The following GMFB variants were observed in gnomAD, a reference collection of about 807,000 sequenced individuals.
GMFB encodes glia maturation factor beta.
A neutral mutation model predicts 25.6 loss-of-function variants in GMFB; 13 were observed. The observed-to-expected ratio is 0.51, with a 90% CI of 0.33 to 0.81. The LOEUF is 0.81. GMFB is among the 30% of genes least tolerant of loss of function. The pLI, the probability that GMFB is intolerant of heterozygous loss-of-function variation, is 0.02. For missense variants in GMFB, 146 were observed against 175.4 expected, an observed-to-expected ratio of 0.83 and a Z score of 0.95; for synonymous variants, 57 against 56.9, an observed-to-expected ratio of 1.00 and a Z score of 0.00.
At chr14:54,482,476 G>T (rs968960765) in intron 2 of GMFB, among the ~76,000 whole-genome samples, 2 of 152,130 alleles carry the variant, frequency 1.3e-5, no homozygotes, top group African/African-American at 2.4e-5. Context: ...GTATATGAAA[G>T]AACTTTGTAA....
chr14:54,477,841 T>G lies in GMFB; in HGVS notation c.*247A>C. On this transcript the variant is annotated 3_prime_UTR_variant, in exon 7 of 7. Transcript: ENST00000358056. Reference sequence around the variant, plus strand: ...AAGTTATAGAAATTAGTCACAAGAGTGCAAAAAGTCCCTGGAGAAAAGTAG... The same window carrying G: ...AAGTTATAGAAATTAGTCACAAGAGGGCAAAAAGTCCCTGGAGAAAAGTAG... The G allele has an allele frequency of 3.0e-6, 1 of 338,124 alleles. No individual in the cohort carries two copies. The highest frequency in any genetic ancestry group is 5.4e-6 in the Non-Finnish European group (1 of 184,296). 20.9% of individuals were successfully genotyped at this position (338,124 alleles called of 1,614,324 possible).
In GMFB at chr14:54,474,871, T is replaced by A. The variant is rs1425020702; in HGVS notation, c.*3217A>T. 6.6e-6 allele frequency: 1 copy of A among 152,626 alleles called. No homozygotes were observed. The highest frequency in any genetic ancestry group is 1.9e-4 in the East Asian group (1 of 5,208). 9.5% of individuals were successfully genotyped at this position (152,626 alleles called of 1,614,324 possible). On this transcript the variant is annotated 3_prime_UTR_variant, in exon 7 of 7. Transcript: ENST00000358056. ...GTCAAATGGCATAATAAAAACAAAT[T>A]TCTCAAGAATATTCAGCTTGGGAGC...
intron 2 of GMFB, among the ~76,000 whole-genome samples, chr14:54,482,508 A>G (rs1469700410): frequency 6.6e-6 from 1 of 152,200 alleles, no homozygotes; most frequent in Non-Finnish European, 1.5e-5. Context: ...CTTCTAGATA[A>G]TAAGAAAAAG....
Position 54,477,168 on chromosome 14 carries a change from A to T in GMFB, c.*920T>A, listed in dbSNP as rs959558489. On this transcript the variant is annotated 3_prime_UTR_variant, in exon 7 of 7. Coordinates refer to ENST00000358056, the MANE Select transcript of GMFB (RefSeq NM_004124.3). ...TAAAATATGAAGTTGATTTTATTAC[A>T]AATTTCAGATATACACATTAGAAAA... 1 of 152,490 alleles carries T rather than the reference A, an allele frequency of 6.6e-6. No homozygotes were observed. Among genetic ancestry groups the T allele is most frequent in the African/African-American group, 2.4e-5 (1 of 41,446 alleles). 9.4% of individuals were successfully genotyped at this position (152,490 alleles called of 1,614,324 possible). A position where few individuals can be genotyped will look rare whatever the true frequency, so the allele number is the denominator to read the frequency against.
chr14:54,482,535 TA>T (rs2140033753), intron 2 of GMFB, among the ~76,000 whole-genome samples: 1 of 152,300 alleles, frequency 6.6e-6, no homozygotes, highest in East Asian at 1.9e-4. Context: ...AGGGTAACTG[TA>T]ACTGATTGGT....
intron 6 of GMFB, chr14:54,478,447 T>C (rs1186279731): frequency 4.8e-6 from 1 of 208,238 alleles, no homozygotes; most frequent in Admixed American, 5.9e-5. Context: ...AAAGCACAAA[T>C]CTACAAATAG....
intron 1 of GMFB, among the ~76,000 whole-genome samples, chr14:54,485,552 G>A (rs879187548): frequency 6.6e-6 from 1 of 152,082 alleles, no homozygotes; most frequent in Admixed American, 6.6e-5. Context: ...CCAAGCTCAT[G>A]GATTACAAGA....
At chr14:54,488,692 T>A (rs962051030) in intron 1 of GMFB, 1 of 485,094 alleles carries the variant, frequency 2.1e-6, no homozygotes, top group Middle Eastern at 5.3e-4. Flanking sequence ...CCTAGTCCCA[T>A]GGCCCGCTGG....
intron 5 of GMFB, chr14:54,480,144 C>T (rs1566496905): frequency 3.5e-6 from 1 of 286,560 alleles, no homozygotes; most frequent in South Asian, 5.4e-5. Flanking sequence ...AAACTTTCTG[C>T]ACTATCTTAA....
intron 1 of GMFB, among the ~76,000 whole-genome samples, chr14:54,486,777 A>G (rs1017602640): frequency 6.7e-6 from 1 of 149,922 alleles, no homozygotes; most frequent in African/African-American, 2.4e-5. Context: ...AGAGAGGTTA[A>G]GTATCTTTCC....
chr14:54,476,380 A>C lies in GMFB; in HGVS notation c.*1708T>G, dbSNP rs368138563. 7.9e-5 allele frequency: 12 copies of C among 152,086 alleles called. No individual in the cohort carries two copies. The highest frequency in any genetic ancestry group is 2.9e-4 in the African/African-American group (12 of 41,444). The allele number at this position is 152,086 out of a possible 1,614,324, so 9.4% of individuals were successfully genotyped here. On this transcript the variant is annotated 3_prime_UTR_variant, in exon 7 of 7. Transcript: ENST00000358056. The stretch of plus-strand genomic sequence containing the variant: ...ATTTCCTTCATTCAAAAACATTAAA[A>C]ACACTCTCCACTCACTTGGATTACA...
At chr14:54,486,145 G>C (rs1039569753) in intron 1 of GMFB, among the ~76,000 whole-genome samples, 1 of 152,170 alleles carries the variant, frequency 6.6e-6, no homozygotes, top group African/African-American at 2.4e-5. Flanking sequence ...AGCTACTCGG[G>C]AGGCTGAGGC....
At chr14:54,484,131 A>G (rs1378441136) in intron 1 of GMFB, 1 of 315,698 alleles carries the variant, frequency 3.2e-6, no homozygotes, top group Non-Finnish European at 6.1e-6. Flanking sequence ...AGTCAAGCAT[A>G]CTATTTTTAC....
chr14:54,485,465 A>G (rs1256515556), intron 1 of GMFB, among the ~76,000 whole-genome samples: 43 of 152,186 alleles, frequency 2.8e-4, no homozygotes, highest in Admixed American at 2.7e-3. Flanking sequence ...TAACCAAAGA[A>G]GTGACAGATC....
intron 1 of GMFB, among the ~76,000 whole-genome samples, chr14:54,485,361 G>A (rs2031767583): frequency 6.7e-6 from 1 of 150,226 alleles, no homozygotes; most frequent in Non-Finnish European, 1.5e-5. Flanking sequence ...ACAAAAATCA[G>A]TAGCATTTAT....
chr14:54,482,968 T>C (rs1383126285), intron 2 of GMFB, among the ~76,000 whole-genome samples: 2 of 152,202 alleles, frequency 1.3e-5, no homozygotes, highest in East Asian at 3.8e-4. Flanking sequence ...GAAATCAGAA[T>C]TCATGACAAG....
chr14:54,482,020 GC>G (rs1594633764), intron 3 of GMFB, 132 bp downstream of exon 3: 2 of 631,336 alleles, frequency 3.2e-6, no homozygotes, highest in East Asian at 2.8e-5. Flanking sequence ...ATTAGCACAT[GC>G]TTTTATGCAT....
chr14:54,483,121 A>T (rs1452846781), intron 2 of GMFB: 1 of 152,988 alleles, frequency 6.5e-6, no homozygotes, highest in African/African-American at 2.4e-5. Flanking sequence ...TATGAATACA[A>T]GGGAAATCTG....
chr14:54,480,814 G>C (rs1049937488), intron 5 of GMFB, 60 bp downstream of exon 5: 1 of 820,004 alleles, frequency 1.2e-6, no homozygotes, highest in Non-Finnish European at 2.1e-6. Context: ...AATTTGTCTA[G>C]TATAAAATGG....
Sources: gnomAD v4.1 joint callset for allele counts (sites outside exome capture counted in the v4.1 genomes callset) on GRCh38, gnomAD v4.1.1 for gene constraint, MANE v1.5 for transcripts, NCBI Gene and HGNC (gene_info 2026-07-23, HGNC 2026-07-21) for gene names.